Variants in HCK observed in about 807,000 individuals in gnomAD.
HCK encodes the protein tyrosine-protein kinase HCK.
A neutral mutation model predicts 70.4 loss-of-function variants in HCK; 40 were observed. The observed-to-expected ratio is 0.57, with a 90% CI of 0.44 to 0.74. The LOEUF (loss-of-function observed/expected upper bound fraction) is 0.74. HCK is among the 30% of genes least tolerant of loss of function. The probability of loss-of-function intolerance (pLI) is 0.00; values close to 1 mark genes in which losing one functional copy is unlikely to be tolerated. For missense variants in HCK, 568 were observed against 697.2 expected (o/e 0.81, Z 2.09); for synonymous variants, 245 against 263.2 (o/e 0.93, Z 0.67).
chr20:32,094,699 G>A (rs1291143381), intron 11 of HCK, among the ~76,000 whole-genome samples: 3 of 70,692 alleles, frequency 4.2e-5, no homozygotes, highest in African/African-American at 2.5e-4. Context: ...GAAAAGAAAA[G>A]AAAAGAAAAG....
intron 11 of HCK, among the ~76,000 whole-genome samples, chr20:32,097,895 T>G (rs1166769291): frequency 6.6e-6 from 1 of 152,020 alleles, no homozygotes; most frequent in Non-Finnish European, 1.5e-5. Flanking sequence ...AGGATAACTA[T>G]GCCAGGTGCG....
At chr20:32,087,951 T>C (rs958336502) in intron 9 of HCK, among the ~76,000 whole-genome samples, 3 of 152,102 alleles carry the variant, frequency 2.0e-5, no homozygotes, top group Non-Finnish European at 4.4e-5. Flanking sequence ...TTCTAAAATT[T>C]TTTTCTAGAG....
chr20:32,070,628 C>T (rs974626137), intron 1 of HCK, among the ~76,000 whole-genome samples: 1 of 152,164 alleles, frequency 6.6e-6, no homozygotes. Flanking sequence ...ACCTGTTGTT[C>T]CCCACAGCAT....
At chr20:32,056,986 G>A (rs532707026) in intron 1 of HCK, among the ~76,000 whole-genome samples, 1 of 152,176 alleles carries the variant, frequency 6.6e-6, no homozygotes, top group Non-Finnish European at 1.5e-5. Context: ...TGCCCTCCCC[G>A]AACACCCCTC....
chr20:32,073,668 T>C lies in HCK; in HGVS notation c.227-48T>C, dbSNP rs765581370. On this transcript the variant is annotated intron_variant, in intron 3 of 12. Transcript: ENST00000375852. Reference sequence around the variant, plus strand: ...GCCGGGTGAGGGTCACCAAGGGCTGTGGATGCACTTAGACGAAACCTCACC... The same window carrying C: ...GCCGGGTGAGGGTCACCAAGGGCTGCGGATGCACTTAGACGAAACCTCACC... 5 of 1,306,714 alleles carry C rather than the reference T, an allele frequency of 3.8e-6. No individual in the cohort carries two copies. The South Asian group carries it at 5.1e-5, about 13-fold the overall frequency. 80.9% of individuals were successfully genotyped at this position (1,306,714 alleles called of 1,614,324 possible).
In HCK at chr20:32,086,817, G is replaced by C. The variant is rs1388943385; in HGVS notation, c.1015+10G>C. 6.4e-7 allele frequency: 1 copy of C among 1,563,780 alleles called. No homozygotes were observed. Among genetic ancestry groups the C allele is most frequent in the Non-Finnish European group, 8.7e-7 (1 of 1,154,582 alleles). Reference sequence around the variant, plus strand: ...GAGTTCATGGCCAAAGGTGCTGCGTGCTGGGGCTGGGGGTGCAGGCTGTGG... The same window carrying C: ...GAGTTCATGGCCAAAGGTGCTGCGTCCTGGGGCTGGGGGTGCAGGCTGTGG... On this transcript the variant is annotated intron_variant, in intron 9 of 12. Transcript: ENST00000375852.
chr20:32,099,158 G>A (rs1382307646), intron 12 of HCK, 23 bp downstream of exon 12: 3 of 1,610,816 alleles, frequency 1.9e-6, no homozygotes, highest in East Asian at 4.5e-5. Flanking sequence ...CATCAGCTCA[G>A]GGCTGCTACC....
intron 1 of HCK, among the ~76,000 whole-genome samples, chr20:32,062,619 T>C (rs1283863380): frequency 6.6e-6 from 1 of 152,194 alleles, no homozygotes; most frequent in Non-Finnish European, 1.5e-5. Context: ...TTACTCCACC[T>C]GTCCAATGAA....
intron 5 of HCK, among the ~76,000 whole-genome samples, chr20:32,076,681 C>T (rs1419346111): frequency 6.6e-6 from 1 of 152,152 alleles, no homozygotes; most frequent in Non-Finnish European, 1.5e-5. Flanking sequence ...CTAACAAGTG[C>T]TTTCTGGGCT....
At chr20:32,099,285 A>C in intron 12 of HCK, 150 bp downstream of exon 12, 1 of 731,548 alleles carries the variant, frequency 1.4e-6, no homozygotes, top group Non-Finnish European at 2.2e-6. Context: ...ACCTCCATCC[A>C]TCTAATGTCT....
intron 1 of HCK, among the ~76,000 whole-genome samples, chr20:32,055,934 G>C (rs1045950027): frequency 6.6e-6 from 1 of 152,142 alleles, no homozygotes; most frequent in Admixed American, 6.5e-5. Context: ...GTGACTTTCT[G>C]TGTCTAGCTT....
chr20:32,071,519 G>T, intron 1 of HCK, 143 bp from the exon 2 acceptor site: 1 of 975,418 alleles, frequency 1.0e-6, no homozygotes, highest in Non-Finnish European at 1.5e-6. Context: ...GGATAAGGGT[G>T]CATGGAGCTG....
At chr20:32,084,573 C>T in intron 8 of HCK, 30 bp downstream of exon 8, 1 of 1,594,818 alleles carries the variant, frequency 6.3e-7, no homozygotes, top group Non-Finnish European at 8.6e-7. Flanking sequence ...GCCCACAGGG[C>T]CAGAGGGTGG....
At chr20:32,078,368 C>T (rs1279087720) in intron 5 of HCK, among the ~76,000 whole-genome samples, 1 of 151,650 alleles carries the variant, frequency 6.6e-6, no homozygotes, top group African/African-American at 2.4e-5. Context: ...CTTAGTCTTA[C>T]ATAGTTGAAT....
chr20:32,080,840 A>C (rs1466380379), intron 6 of HCK, among the ~76,000 whole-genome samples: 12 of 152,052 alleles, frequency 7.9e-5, no homozygotes, highest in Non-Finnish European at 1.5e-5. Flanking sequence ...GTAACAGACC[A>C]AGTAGGGGAG....
chr20:32,052,787 G>C (rs1362890527), intron 1 of HCK, among the ~76,000 whole-genome samples: 4 of 130,898 alleles, frequency 3.1e-5, no homozygotes, highest in Admixed American at 7.8e-5. Context: ...CTTCTTGGGG[G>C]GGGGCGGGGA....
intron 1 of HCK, among the ~76,000 whole-genome samples, chr20:32,063,992 CTTTTTTTTTTTTTT>C (rs58620860): frequency 7.4e-5 from 4 of 54,208 alleles, no homozygotes; most frequent in Admixed American, 6.3e-4. Context: ...ATCTCTACTT[CTTTTTTTTTTTTTT>C]TTTTTTTTTT....
intron 11 of HCK, among the ~76,000 whole-genome samples, chr20:32,094,811 A>AGAGAAAG (rs1569010819): frequency 1.6e-5 from 2 of 122,020 alleles, no homozygotes; most frequent in African/African-American, 5.6e-5. Context: ...GAAAGAAAGA[A>AGAGAAAG]AGAAAGAAAG....
At chr20:32,054,613 T>C (rs2045240809) in intron 1 of HCK, among the ~76,000 whole-genome samples, 1 of 145,166 alleles carries the variant, frequency 6.9e-6, no homozygotes, top group Non-Finnish European at 1.5e-5. Context: ...GAGACCATCC[T>C]GGCTAACACG....
Sources: allele counts gnomAD v4.1 joint callset (sites outside exome capture counted in the v4.1 genomes callset), GRCh38; gene constraint gnomAD v4.1.1; transcripts MANE v1.5; gene names NCBI Gene and HGNC (gene_info 2026-07-23, HGNC 2026-07-21).